The following PDE7B variants were observed in gnomAD, a reference collection of about 807,000 sequenced individuals.
PDE7B encodes the protein phosphodiesterase 7B.
A neutral mutation model predicts 56.2 loss-of-function variants in PDE7B; 29 were observed. That is an observed-to-expected ratio of 0.52 (90% CI 0.38 to 0.70). The LOEUF is 0.70. PDE7B is among the 30% of genes least tolerant of loss of function. The pLI is 0.00. For missense variants in PDE7B, 490 were observed against 565.0 expected, an observed-to-expected ratio of 0.87 and a Z score of 1.35; for synonymous variants, 197 against 196.9, an observed-to-expected ratio of 1.00 and a Z score of 0.00.
intron 1 of PDE7B, among the ~76,000 whole-genome samples, chr6:135,940,543 G>T (rs975637733): frequency 6.6e-6 from 1 of 152,190 alleles, no homozygotes; most frequent in Non-Finnish European, 1.5e-5. Context: ...CACTGTCAGG[G>T]AGTTCAGTTT....
chr6:136,113,865 C>G (rs776508040), intron 3 of PDE7B, among the ~76,000 whole-genome samples: 36 of 152,212 alleles, frequency 2.4e-4, no homozygotes, highest in Non-Finnish European at 1.5e-4. Context: ...TTAATATAAT[C>G]AGCAGCCTGA....
intron 2 of PDE7B, among the ~76,000 whole-genome samples, chr6:135,995,152 A>G (rs1429896186): frequency 6.6e-6 from 1 of 152,020 alleles, no homozygotes. Context: ...CACAAATCCT[A>G]CAGGCCTCCA....
Position 136,192,143 on chromosome 6 carries a change from C to T in PDE7B, c.*303C>T, listed in dbSNP as rs1583936955. 7.3e-6 allele frequency: 3 copies of T among 413,298 alleles called. No individual in the cohort carries two copies. The highest frequency in any genetic ancestry group is 9.8e-5 in the East Asian group (2 of 20,376). The allele number at this position is 413,298 out of a possible 1,614,324, so 25.6% of individuals were successfully genotyped here. The stretch of plus-strand genomic sequence containing the variant: ...AGGAGGAAGAATGAGGTGCTCCTGC[C>T]GTGTCCGCCTTGTTCCGGGTCGCAC... On this transcript the variant is annotated 3_prime_UTR_variant, in exon 13 of 13. Coordinates refer to ENST00000308191, the MANE Select transcript of PDE7B (RefSeq NM_018945.4).
intron 1 of PDE7B, among the ~76,000 whole-genome samples, chr6:135,863,692 A>ATTTTTTTTTTTTTTTTTT (rs200974005): frequency 7.2e-6 from 1 of 138,624 alleles, no homozygotes; most frequent in Non-Finnish European, 1.6e-5. Context: ...ATCCCTTCCA[A>ATTTTTTTTTTTTTTTTTT]TTTTTTTTTT....
intron 1 of PDE7B, among the ~76,000 whole-genome samples, chr6:135,916,383 C>CTTTCT (rs1773941549): frequency 2.2e-5 from 2 of 91,930 alleles, no homozygotes; most frequent in African/African-American, 8.3e-5. Flanking sequence ...CTTTTCTTTT[C>CTTTCT]TTTTCTTTCT....
chr6:136,113,611 G>T (rs1777784159), intron 3 of PDE7B, among the ~76,000 whole-genome samples: 1 of 152,194 alleles, frequency 6.6e-6, no homozygotes. Flanking sequence ...TTTTATTCCA[G>T]ATGATGTCCT....
intron 2 of PDE7B, among the ~76,000 whole-genome samples, chr6:136,107,126 A>G (rs1044339292): frequency 6.6e-6 from 1 of 152,176 alleles, no homozygotes; most frequent in Non-Finnish European, 1.5e-5. Context: ...AGGCCCATCT[A>G]TGAGGGACAT....
chr6:135,861,108 G>T (rs1056783633), intron 1 of PDE7B, among the ~76,000 whole-genome samples: 1 of 151,758 alleles, frequency 6.6e-6, no homozygotes, highest in Non-Finnish European at 1.5e-5. Flanking sequence ...TGAATACACG[G>T]TATTTACCAT....
At chr6:136,169,265 C>A (rs1049830208) in intron 8 of PDE7B, among the ~76,000 whole-genome samples, 1 of 152,082 alleles carries the variant, frequency 6.6e-6, no homozygotes, top group Non-Finnish European at 1.5e-5. Flanking sequence ...CACCATGGTG[C>A]CCCTATTTCC....
intron 2 of PDE7B, among the ~76,000 whole-genome samples, chr6:136,093,261 C>T (rs1013105908): frequency 5.8e-4 from 89 of 152,280 alleles, no homozygotes; most frequent in African/African-American, 1.9e-3. Flanking sequence ...TCAATCCTAT[C>T]GTGAGTTAGT....
At chr6:136,092,033 G>C (rs754264556) in intron 2 of PDE7B, among the ~76,000 whole-genome samples, 2 of 152,166 alleles carry the variant, frequency 1.3e-5, no homozygotes, top group African/African-American at 2.4e-5. Context: ...CGTACTAAAA[G>C]AAATTGTCCC....
intron 1 of PDE7B, among the ~76,000 whole-genome samples, chr6:135,886,435 C>A (rs903985499): frequency 6.6e-6 from 1 of 151,626 alleles, no homozygotes. Context: ...TGGATAAGTT[C>A]TTTAGTAGTG....
chr6:135,939,718 G>T (rs1216465264), intron 1 of PDE7B, among the ~76,000 whole-genome samples: 1 of 152,174 alleles, frequency 6.6e-6, no homozygotes. Context: ...GGGTGCTAAT[G>T]GCTTCAGCAG....
chr6:136,075,084 T>C (rs527358852), intron 2 of PDE7B, among the ~76,000 whole-genome samples: 16 of 152,352 alleles, frequency 1.1e-4, no homozygotes, highest in African/African-American at 3.8e-4. Context: ...ATCAAGATTT[T>C]TGTTAATGAA....
intron 2 of PDE7B, among the ~76,000 whole-genome samples, chr6:135,963,241 C>A (rs1774938936): frequency 6.6e-6 from 1 of 152,152 alleles, no homozygotes; most frequent in African/African-American, 2.4e-5. Flanking sequence ...GGGGAATTTG[C>A]AGTTTTCATT....
At chr6:135,980,038 C>T (rs1775267324) in intron 2 of PDE7B, among the ~76,000 whole-genome samples, 1 of 152,124 alleles carries the variant, frequency 6.6e-6, no homozygotes. Context: ...TAACTTCAAA[C>T]TATACTACAA....
At position 135,870,017 on chromosome 6, in the gene PDE7B, G is replaced by C. The variant is rs574030143; in HGVS notation, c.21+17998G>C. On this transcript the variant is annotated intron_variant, in intron 1 of 12. Coordinates refer to ENST00000308191, the MANE Select transcript of PDE7B (RefSeq NM_018945.4). The stretch of plus-strand genomic sequence containing the variant: ...GAAGCCACTGAAACCATGTAGACAG[G>C]GAGGAGAGACCAAGTGATTCATGCT... Among the ~76,000 whole-genome samples, 28 of 152,230 alleles carry C rather than the reference G, an allele frequency of 1.8e-4. No homozygotes were observed. The South Asian group carries it at 5.2e-3, about 28-fold the overall frequency.
At chr6:136,129,115 A>G (rs1258711957) in intron 3 of PDE7B, among the ~76,000 whole-genome samples, 1 of 152,214 alleles carries the variant, frequency 6.6e-6, no homozygotes, top group Non-Finnish European at 1.5e-5. Context: ...TTGGGCATAT[A>G]CCATGTAGAT....
intron 2 of PDE7B, among the ~76,000 whole-genome samples, chr6:136,027,102 G>T (rs1243611340): frequency 1.3e-5 from 2 of 152,178 alleles, no homozygotes; most frequent in African/African-American, 4.8e-5. Context: ...GCTAGGAAGA[G>T]GGCCCTCACC....
Sources: allele counts gnomAD v4.1 joint callset (sites outside exome capture counted in the v4.1 genomes callset), GRCh38; gene constraint gnomAD v4.1.1; transcripts MANE v1.5; gene names NCBI Gene and HGNC (gene_info 2026-07-23, HGNC 2026-07-21).